The following SEC23A variants were observed in gnomAD, a reference collection of about 807,000 sequenced individuals.
SEC23A encodes SEC23 homolog A, COPII component.
SEC23A carries 56 observed loss-of-function variants against 103.7 expected under a neutral mutation model. That is an observed-to-expected ratio of 0.54 (90% CI 0.44 to 0.67). SEC23A has a LOEUF of 0.67. SEC23A is among the 30% of genes least tolerant of loss of function. The pLI is 0.00. For synonymous variants in SEC23A, 281 were observed against 293.0 expected (o/e 0.96, Z 0.42); for missense variants, 784 against 936.4 (o/e 0.84, Z 2.12).
intron 7 of SEC23A, 142 bp downstream of exon 7, chr14:39,085,620 G>A: frequency 3.0e-6 from 3 of 985,446 alleles, no homozygotes; most frequent in Non-Finnish European, 4.6e-6. Context: ...AGTATTCTTT[G>A]TTGATGCTGA....
intron 14 of SEC23A, among the ~76,000 whole-genome samples, chr14:39,053,735 A>G (rs1014057968): frequency 6.6e-6 from 1 of 152,350 alleles, no homozygotes; most frequent in South Asian, 2.1e-4. Flanking sequence ...GAAATTCGAC[A>G]GCTTAGCAAA....
At chr14:39,100,416 CT>C (rs11427769) in intron 1 of SEC23A, among the ~76,000 whole-genome samples, 10 of 143,840 alleles carry the variant, frequency 7.0e-5, no homozygotes, top group East Asian at 2.0e-4. Flanking sequence ...GCCAACTTAA[CT>C]TTTTTTTTTT....
At chr14:39,067,338 A>C (rs780033035) in intron 9 of SEC23A, 42 bp from the exon 10 acceptor site, 1 of 1,610,148 alleles carries the variant, frequency 6.2e-7, no homozygotes. Context: ...TGACACAGTT[A>C]CTGAGTCCGT....
At chr14:39,053,677 A>C (rs773984652) in intron 14 of SEC23A, among the ~76,000 whole-genome samples, 5 of 152,242 alleles carry the variant, frequency 3.3e-5, no homozygotes, top group Admixed American at 1.3e-4. Context: ...AAGAATTTTT[A>C]AAATTACATG....
At chr14:39,040,151 G>A (rs1484924565) in intron 18 of SEC23A, 3 of 152,242 alleles carry the variant, frequency 2.0e-5, no homozygotes, top group African/African-American at 4.8e-5. Context: ...AGTATTTTAT[G>A]AGAGTATGTT....
intron 5 of SEC23A, chr14:39,087,736 A>T (rs1033791672): frequency 5.3e-5 from 8 of 152,306 alleles, no homozygotes; most frequent in African/African-American, 1.9e-4. Flanking sequence ...AAAGATGTAC[A>T]AAGATAAAAT....
intron 7 of SEC23A, among the ~76,000 whole-genome samples, chr14:39,085,194 A>G (rs1291210704): frequency 2.0e-5 from 3 of 152,220 alleles, no homozygotes; most frequent in Non-Finnish European, 2.9e-5. Flanking sequence ...AGACAAATGA[A>G]TATGTGGAGG....
chr14:39,067,324 T>C, intron 9 of SEC23A, 28 bp from the exon 10 acceptor site: 1 of 1,612,190 alleles, frequency 6.2e-7, no homozygotes, highest in South Asian at 1.1e-5. Context: ...AAAAACAACA[T>C]ACTTGACACA....
At position 39,033,184 on chromosome 14, in the gene SEC23A, A is replaced by G; in HGVS notation, c.*55T>C. The G allele has an allele frequency of 7.5e-7, 1 of 1,341,098 alleles. No individual in the cohort carries two copies. 83.1% of individuals were successfully genotyped at this position (1,341,098 alleles called of 1,614,324 possible). The stretch of plus-strand genomic sequence containing the variant: ...CCACAGATAAATGGAAAAAGGAAAA[A>G]ATGAAATTTGAATATTATTTCATCT... On this transcript the variant is annotated 3_prime_UTR_variant, in exon 20 of 20. Coordinates refer to ENST00000307712, the MANE Select transcript of SEC23A (RefSeq NM_006364.4).
intron 15 of SEC23A, among the ~76,000 whole-genome samples, chr14:39,046,528 G>A (rs767130746): frequency 1.3e-5 from 2 of 151,860 alleles, no homozygotes; most frequent in East Asian, 1.9e-4. Flanking sequence ...ACCCAGTCCC[G>A]GGTATGTCTA....
In SEC23A at chr14:39,033,294, C is replaced by T; in HGVS notation, c.2243G>A (p.Ser748Asn). 1 of 1,612,926 alleles carries T rather than the reference C, an allele frequency of 6.2e-7. No individual in the cohort carries two copies. The highest frequency in any genetic ancestry group is 8.5e-7 in the Non-Finnish European group (1 of 1,179,274). The change falls in exon 20 of 20, where the codon AGT (serine) becomes AAT (asparagine). Residue 748 changes from serine to asparagine, a missense_variant. Physicochemically the swap from Ser to Asn is conservative, Grantham distance 46. Transcript: ENST00000307712. Reference sequence around the variant, plus strand: ...CAAGTGATCCATAAACACTTGTAAACTAACATCATCTGTAAGAATAGGTGC... The same window carrying T: ...CAAGTGATCCATAAACACTTGTAAATTAACATCATCTGTAAGAATAGGTGC... ...SGAPILTDDVSLQVFMDHLKK... is the reference protein window; with the variant it reads ...SGAPILTDDVNLQVFMDHLKK...
intron 9 of SEC23A, among the ~76,000 whole-genome samples, chr14:39,067,953 A>C (rs1469257535): frequency 6.6e-6 from 1 of 152,034 alleles, no homozygotes; most frequent in East Asian, 1.9e-4. Flanking sequence ...TACAGGCATG[A>C]GCCACCCACC....
chr14:39,059,764 G>A (rs190385735), intron 13 of SEC23A, among the ~76,000 whole-genome samples: 5 of 152,110 alleles, frequency 3.3e-5, no homozygotes, highest in Non-Finnish European at 5.9e-5. Context: ...TTCTTATATA[G>A]CTCCAATTAT....
intron 2 of SEC23A, among the ~76,000 whole-genome samples, chr14:39,094,225 C>CAT (rs71130811): frequency 5.2e-5 from 5 of 96,572 alleles, no homozygotes; most frequent in Admixed American, 1.1e-4. Flanking sequence ...TATACACATA[C>CAT]ATATATATAT....
chr14:39,067,046 T>G (rs1886692355), intron 10 of SEC23A, 127 bp downstream of exon 10: 1 of 1,165,094 alleles, frequency 8.6e-7, no homozygotes, highest in South Asian at 1.3e-5. Context: ...TAACTCAGGT[T>G]TCAATATAAA....
In SEC23A at chr14:39,093,978, A is replaced by G. The variant is rs1887752608; in HGVS notation, c.222-734T>C. On this transcript the variant is annotated intron_variant, in intron 2 of 19. Coordinates refer to ENST00000307712, the MANE Select transcript of SEC23A (RefSeq NM_006364.4). ...ACTGCTCTCATGGAGTTTACATTCTAGAAAAAACAGACAAAAGACAAGCAG... is the reference window on the plus strand; with the variant it reads ...ACTGCTCTCATGGAGTTTACATTCTGGAAAAAACAGACAAAAGACAAGCAG... 2.0e-5 allele frequency among the ~76,000 whole-genome samples: 3 copies of G among 152,036 alleles called. No individual in the cohort carries two copies. The South Asian group carries it at 6.2e-4, about 32-fold the overall frequency.
Position 39,096,084 on chromosome 14 carries a change from T to TC in SEC23A, c.34dup (p.Glu12GlyfsTer9), listed in dbSNP as rs1335930950. The TC allele has an allele frequency of 6.2e-7, 1 of 1,613,986 alleles. No homozygotes were observed. The highest frequency in any genetic ancestry group is 2.2e-5 in the East Asian group (1 of 44,880). On this transcript the variant is annotated frameshift_variant, in exon 2 of 20. Coordinates refer to ENST00000307712, the MANE Select transcript of SEC23A (RefSeq NM_006364.4). LOFTEE classifies it high-confidence loss of function. ...ACTAAATCGGACTCCATCTCGTTCTTCATTTTGTTGAATGAATTCCAAATA... is the reference window on the plus strand; with the variant it reads ...ACTAAATCGGACTCCATCTCGTTCTTCCATTTTGTTGAATGAATTCCAAATA...
chr14:39,101,751 AT>A (rs1888105486), intron 1 of SEC23A, among the ~76,000 whole-genome samples: 1 of 152,180 alleles, frequency 6.6e-6, no homozygotes. Context: ...AATTACATGT[AT>A]TTGTTAGTTG....
intron 9 of SEC23A, among the ~76,000 whole-genome samples, chr14:39,070,678 G>A (rs1175448195): frequency 1.3e-5 from 2 of 152,182 alleles, no homozygotes; most frequent in East Asian, 1.9e-4. Context: ...GAGAGTTTTT[G>A]GAAGGGAACT....
Sources: gnomAD v4.1 joint callset for allele counts (sites outside exome capture counted in the v4.1 genomes callset) on GRCh38, gnomAD v4.1.1 for gene constraint, MANE v1.5 for transcripts, NCBI Gene and HGNC (gene_info 2026-07-23, HGNC 2026-07-21) for gene names.